The following RBFOX1 variants were observed in gnomAD, a reference collection of about 807,000 sequenced individuals.
The protein encoded by RBFOX1 is RNA binding fox-1 homolog 1, also known as RNA binding protein fox-1 homolog 1.
In RBFOX1, 8 loss-of-function variants were observed where a neutral mutation model predicts 57.7. The ratio of observed to expected loss-of-function variants is 0.14; its 90% CI spans 0.08 to 0.25. RBFOX1 has a LOEUF of 0.25. RBFOX1 is among the 10% of genes least tolerant of loss of function. The pLI, the probability that RBFOX1 is intolerant of heterozygous loss-of-function variation, is 1.00. For missense variants in RBFOX1, 611 were observed against 548.5 expected, an observed-to-expected ratio of 1.11 and a Z score of -1.14; for synonymous variants, 326 against 222.4, an observed-to-expected ratio of 1.47 and a Z score of -4.15.
At chr16:6,119,511 G>GC (rs1254269201) in intron 1 of RBFOX1, among the ~76,000 whole-genome samples, 1 of 152,126 alleles carries the variant, frequency 6.6e-6, no homozygotes, top group African/African-American at 2.4e-5. Context: ...TACTTTGATG[G>GC]CCCAATGGTG....
At chr16:5,381,519 G>A (rs1188658495) in intron 1 of RBFOX1, among the ~76,000 whole-genome samples, 1 of 152,142 alleles carries the variant, frequency 6.6e-6, no homozygotes, top group Non-Finnish European at 1.5e-5. Context: ...TGAGGCTGCA[G>A]GCCCATAGAC....
At chr16:7,274,570 T>G (rs2153139749) in intron 4 of RBFOX1, among the ~76,000 whole-genome samples, 1 of 152,332 alleles carries the variant, frequency 6.6e-6, no homozygotes, top group South Asian at 2.1e-4. Context: ...AACTAATCAC[T>G]TCTCTCTGGA....
At chr16:5,951,139 C>G (rs1445802221) in intron 4 of RBFOX1, among the ~76,000 whole-genome samples, 3 of 152,116 alleles carry the variant, frequency 2.0e-5, no homozygotes, top group Non-Finnish European at 2.9e-5. Context: ...ATATCCTGAA[C>G]TTTTTATTTA....
chr16:5,733,120 C>A (rs1433029536), intron 3 of RBFOX1, among the ~76,000 whole-genome samples: 1 of 152,126 alleles, frequency 6.6e-6, no homozygotes, highest in Non-Finnish European at 1.5e-5. Flanking sequence ...AAAAAAGTCC[C>A]CTTCTGAAAT....
intron 6 of RBFOX1, among the ~76,000 whole-genome samples, chr16:7,580,327 T>A (rs62011670): frequency 0.32 from 49,375 of 151,998 alleles, 9,222 homozygotes; most frequent in East Asian, 0.53. Context: ...AGGGTGACTC[T>A]TAGTGTATCC....
rs190328142 is a variant in RBFOX1 at position 5,920,306 on chromosome 16, C to T, written c.351+52971C>T. Among the ~76,000 whole-genome samples the T allele has an allele frequency of 1.5e-3, 236 of 152,258 alleles. 3 individuals are homozygous for T. Among genetic ancestry groups the T allele is most frequent in the African/African-American group, 5.3e-3 (222 of 41,560 alleles). On this transcript the variant is annotated intron_variant, in intron 4 of 19. Coordinates refer to the RBFOX1 transcript ENST00000641259. Reference sequence around the variant, plus strand: ...TCTTATTCCTTTTTATTGTACATTACCCATATAATTGTATGTAGAGAGATC... The same window carrying T: ...TCTTATTCCTTTTTATTGTACATTATCCATATAATTGTATGTAGAGAGATC...
intron 5 of RBFOX1, among the ~76,000 whole-genome samples, chr16:7,557,619 CAA>C (rs1170051114): frequency 2.5e-5 from 1 of 40,762 alleles, no homozygotes; most frequent in East Asian, 8.0e-4. Flanking sequence ...GACTCTGTCT[CAA>C]AAAAAAAAAA....
At chr16:6,928,011 C>T (rs181458734) in intron 3 of RBFOX1, among the ~76,000 whole-genome samples, 75 of 152,258 alleles carry the variant, frequency 4.9e-4, no homozygotes, top group African/African-American at 1.7e-3. Context: ...CTGGCTTCCA[C>T]CCCCAGCACC....
intron 2 of RBFOX1, among the ~76,000 whole-genome samples, chr16:6,472,225 G>C (rs1026249930): frequency 2.6e-5 from 4 of 152,308 alleles, no homozygotes; most frequent in East Asian, 3.9e-4. Context: ...CCCTGGACAA[G>C]GGACCGATGA....
chr16:6,348,486 C>G (rs1030301845), intron 2 of RBFOX1, among the ~76,000 whole-genome samples: 1 of 152,082 alleles, frequency 6.6e-6, no homozygotes, highest in Admixed American at 6.6e-5. Context: ...GTATATCAGC[C>G]TGTTCTTGCA....
Position 6,078,521 on chromosome 16 carries a change from G to A in RBFOX1, c.-127+58529G>A, listed in dbSNP as rs150458137. ...GGAAGCCAAAAGACTGGACACCCCT[G>A]TTCTAGAGCCAGTCCTAACTCTACT... On this transcript the variant is annotated intron_variant, in intron 1 of 15. Transcript: ENST00000550418. 5.8e-3 allele frequency among the ~76,000 whole-genome samples: 881 copies of A among 152,232 alleles called. 7 individuals carry two copies. Among genetic ancestry groups the A allele is most frequent in the African/African-American group, 0.021 (859 of 41,558 alleles).
intron 4 of RBFOX1, among the ~76,000 whole-genome samples, chr16:7,064,368 C>T (rs1411335797): frequency 6.6e-6 from 1 of 151,990 alleles, no homozygotes; most frequent in East Asian, 1.9e-4. Context: ...GGGGTTTCAC[C>T]ATGTTGCCCA....
At chr16:5,282,424 G>T (rs918086712) in intron 1 of RBFOX1, among the ~76,000 whole-genome samples, 1 of 152,214 alleles carries the variant, frequency 6.6e-6, no homozygotes, top group African/African-American at 2.4e-5. Context: ...ACAGGCAGAG[G>T]TTGGAACAGT....
At chr16:6,655,954 TCTC>T (rs2098647972) in intron 3 of RBFOX1, among the ~76,000 whole-genome samples, 2 of 152,206 alleles carry the variant, frequency 1.3e-5, no homozygotes, top group Non-Finnish European at 2.9e-5. Context: ...GGAGTGTTAA[TCTC>T]CTCACATTGG....
chr16:6,214,538 G>A (rs2097319344), intron 1 of RBFOX1, among the ~76,000 whole-genome samples: 1 of 124,080 alleles, frequency 8.1e-6, no homozygotes, highest in Non-Finnish European at 1.7e-5. Context: ...GAGATGGGGA[G>A]AAGGAGACAG....
chr16:5,584,158 A>G (rs906204229), intron 2 of RBFOX1, among the ~76,000 whole-genome samples: 1 of 152,214 alleles, frequency 6.6e-6, no homozygotes, highest in Admixed American at 6.5e-5. Context: ...CTTGTCAGAC[A>G]TCCTAATTTT....
rs370422229 is a variant in RBFOX1 at position 7,073,342 on chromosome 16, G to A, written c.27+21244G>A. ...CCCTATATGAAGGGGCATGGCCCATGACTGTAGACAAATCCTAAGAAGATC... is the reference window on the plus strand; with the variant it reads ...CCCTATATGAAGGGGCATGGCCCATAACTGTAGACAAATCCTAAGAAGATC... On this transcript the variant is annotated intron_variant, in intron 4 of 15. Coordinates refer to ENST00000550418, the MANE Select transcript of RBFOX1 (RefSeq NM_018723.4). Among the ~76,000 whole-genome samples, 13 of 152,290 alleles carry A rather than the reference G, an allele frequency of 8.5e-5. No homozygotes were observed. The East Asian group carries it at 1.2e-3, about 14-fold the overall frequency.
chr16:5,930,202 AATGGATGGATGGATGGATGG>A (rs56153541), intron 4 of RBFOX1, among the ~76,000 whole-genome samples: 30 of 112,146 alleles, frequency 2.7e-4, no homozygotes, highest in African/African-American at 1.1e-3. Context: ...AAGAAAGAAG[AATGGATGGATGGATGGATGG>A]ATGGATGGAT....
At chr16:6,134,497 C>A (rs544372381) in intron 1 of RBFOX1, among the ~76,000 whole-genome samples, 1 of 152,056 alleles carries the variant, frequency 6.6e-6, no homozygotes, top group African/African-American at 2.4e-5. Context: ...AGTAAATCTG[C>A]CTGATCCTGT....
Sources: allele counts gnomAD v4.1 joint callset (sites outside exome capture counted in the v4.1 genomes callset), GRCh38; gene constraint gnomAD v4.1.1; transcripts MANE v1.5; gene names NCBI Gene and HGNC (gene_info 2026-07-23, HGNC 2026-07-21).